Variants in SLCO4C1 observed in about 807,000 individuals in gnomAD.
SLCO4C1 encodes the protein solute carrier organic anion transporter family member 4C1, also known as organic anion transporter M1.
SLCO4C1 carries 58 observed loss-of-function variants against 72.1 expected under a neutral mutation model. That is an observed-to-expected ratio of 0.80 (90% CI 0.65 to 1.00). The LOEUF (loss-of-function observed/expected upper bound fraction) is 1.00, where lower values mean the gene tolerates loss of function less well. SLCO4C1 is among the 50% of genes least tolerant of loss of function. The probability of loss-of-function intolerance (pLI) is 0.00; values close to 1 mark genes in which losing one functional copy is unlikely to be tolerated. For missense variants in SLCO4C1, 898 were observed against 857.9 expected (o/e 1.05, Z -0.58); for synonymous variants, 297 against 312.5 (o/e 0.95, Z 0.52).
At chr5:102,264,728 TC>T (rs1487847648) in intron 3 of SLCO4C1, among the ~76,000 whole-genome samples, 1 of 152,036 alleles carries the variant, frequency 6.6e-6, no homozygotes, top group African/African-American at 2.4e-5. Context: ...AATTTATTTC[TC>T]CTAACTGTAG....
intron 5 of SLCO4C1, among the ~76,000 whole-genome samples, chr5:102,261,674 T>C (rs1159243131): frequency 6.6e-6 from 1 of 152,008 alleles, no homozygotes; most frequent in Non-Finnish European, 1.5e-5. Context: ...ATTTATTAAG[T>C]ACTAAAGAGG....
At chr5:102,238,954 A>G (rs931027707) in intron 12 of SLCO4C1, among the ~76,000 whole-genome samples, 1 of 152,176 alleles carries the variant, frequency 6.6e-6, no homozygotes, top group Non-Finnish European at 1.5e-5. Context: ...GCTTTCGAGT[A>G]TACTTTCCAA....
At position 102,257,308 on chromosome 5, in the gene SLCO4C1, CCCCT is replaced by C; in HGVS notation, c.1274-2_1275del. The C allele has an allele frequency of 6.3e-7, 1 of 1,580,664 alleles. No homozygotes were observed. The highest frequency in any genetic ancestry group is 1.9e-5 in the Admixed American group (1 of 51,896). On this transcript the variant is annotated splice_acceptor_variant and coding_sequence_variant, in exon 8 of 13. Coordinates refer to ENST00000310954, the MANE Select transcript of SLCO4C1 (RefSeq NM_180991.5). LOFTEE classifies it high-confidence loss of function. ...AGAGCAGCTCCAGGAATTAAAACAGCCCCTAATAAGAAAAAAGAATGTAGATTGT... is the reference window on the plus strand; with the variant it reads ...AGAGCAGCTCCAGGAATTAAAACAGCAATAAGAAAAAAGAATGTAGATTGT...
At chr5:102,295,753 T>G (rs528771085) in intron 1 of SLCO4C1, among the ~76,000 whole-genome samples, 155 bp downstream of exon 1, 58 of 152,302 alleles carry the variant, frequency 3.8e-4, no homozygotes, top group Non-Finnish European at 6.9e-4. Flanking sequence ...AGGTTGACCT[T>G]GGTGAGAGCG....
chr5:102,241,338 G>T lies in SLCO4C1; in HGVS notation c.1812-556C>A, dbSNP rs530265595. Among the ~76,000 whole-genome samples, 3 of 152,150 alleles carry T rather than the reference G, an allele frequency of 2.0e-5. No individual in the cohort carries two copies. The South Asian group carries it at 6.2e-4, about 32-fold the overall frequency. Reference sequence around the variant, plus strand: ...AGATTATCTCTGTGAAGATGACATGGTCATATATGTAGAAAACACTAAAGA... The same window carrying T: ...AGATTATCTCTGTGAAGATGACATGTTCATATATGTAGAAAACACTAAAGA... On this transcript the variant is annotated intron_variant, in intron 10 of 12. Coordinates refer to ENST00000310954, the MANE Select transcript of SLCO4C1 (RefSeq NM_180991.5).
chr5:102,247,113 G>C, intron 10 of SLCO4C1, 139 bp downstream of exon 10: 1 of 510,894 alleles, frequency 2.0e-6, no homozygotes, highest in Non-Finnish European at 3.2e-6. Context: ...CTTGTCCAAT[G>C]CCACAGAACT....
At chr5:102,292,016 G>T (rs1350721379) in intron 1 of SLCO4C1, among the ~76,000 whole-genome samples, 1 of 151,880 alleles carries the variant, frequency 6.6e-6, no homozygotes, top group Non-Finnish European at 1.5e-5. Flanking sequence ...GTAGAGATGG[G>T]GTTTCACCAT....
chr5:102,235,609 G>T lies in SLCO4C1; in HGVS notation c.*1249C>A, dbSNP rs1397692839. On this transcript the variant is annotated 3_prime_UTR_variant, in exon 13 of 13. Transcript: ENST00000310954. ...GGCCTGTTAGGAATCGGGCCACACA[G>T]TTGGTGAGCTGAGAGGCAGGTGAGT... The T allele has an allele frequency of 2.0e-5, 3 of 152,332 alleles. No homozygotes were observed. The highest frequency in any genetic ancestry group is 7.2e-5 in the African/African-American group (3 of 41,478). The allele number at this position is 152,332 out of a possible 1,614,324, so 9.4% of individuals were successfully genotyped here.
chr5:102,270,194 G>T (rs1287636934), intron 3 of SLCO4C1, among the ~76,000 whole-genome samples: 1 of 152,068 alleles, frequency 6.6e-6, no homozygotes, highest in Non-Finnish European at 1.5e-5. Flanking sequence ...ATGCTACCAG[G>T]AATTAGATCA....
chr5:102,295,623 T>C (rs763462999), intron 1 of SLCO4C1, among the ~76,000 whole-genome samples: 7 of 152,256 alleles, frequency 4.6e-5, no homozygotes, highest in Non-Finnish European at 8.8e-5. Flanking sequence ...TAATCTTCCC[T>C]GTAAGTCTTG....
At chr5:102,240,027 G>A (rs1748510038) in intron 11 of SLCO4C1, among the ~76,000 whole-genome samples, 1 of 152,016 alleles carries the variant, frequency 6.6e-6, no homozygotes, top group East Asian at 1.9e-4. Context: ...TTCATGACCT[G>A]TAGCATGATA....
chr5:102,261,995 G>C lies in SLCO4C1; in HGVS notation c.938C>G (p.Ala313Gly). Residue 313 changes from alanine (A) to glycine (G), a missense_variant, in exon 5 of 13, where the codon GCT becomes GGT. Coordinates refer to ENST00000310954, the MANE Select transcript of SLCO4C1 (RefSeq NM_180991.5). The stretch of plus-strand genomic sequence containing the variant: ...TGATAGAAGAAACCCAATCCACCAA[G>C]CTCCCAACCATCGCGGATCATCCTC... Reference protein sequence around the residue: ...VTEDDPRWLGAWWIGFLLSWI... With the variant: ...VTEDDPRWLGGWWIGFLLSWI... The C allele has an allele frequency of 6.2e-7, 1 of 1,612,948 alleles. No homozygotes were observed. The highest frequency in any genetic ancestry group is 1.3e-5 in the African/African-American group (1 of 74,970).
intron 2 of SLCO4C1, among the ~76,000 whole-genome samples, chr5:102,278,465 T>C (rs1749289855): frequency 6.6e-6 from 1 of 152,180 alleles, no homozygotes; most frequent in Non-Finnish European, 1.5e-5. Flanking sequence ...AACTAACTTA[T>C]CAACCACATC....
At chr5:102,265,962 A>ATT (rs201437269) in intron 3 of SLCO4C1, among the ~76,000 whole-genome samples, 2 of 151,434 alleles carry the variant, frequency 1.3e-5, no homozygotes, top group Non-Finnish European at 2.9e-5. Flanking sequence ...ATGCCTTTCC[A>ATT]TTTTTTTTCT....
At chr5:102,264,225 T>A (rs190376094) in intron 3 of SLCO4C1, among the ~76,000 whole-genome samples, 5 of 152,248 alleles carry the variant, frequency 3.3e-5, no homozygotes, top group Admixed American at 3.3e-4. Context: ...GATGTGCTGA[T>A]CAGTCTATTT....
intron 8 of SLCO4C1, among the ~76,000 whole-genome samples, chr5:102,255,367 C>G (rs1413328837): frequency 6.6e-6 from 1 of 152,018 alleles, no homozygotes; most frequent in Non-Finnish European, 1.5e-5. Flanking sequence ...CTTTGTTACT[C>G]AAGGTGATAA....
intron 6 of SLCO4C1, 89 bp downstream of exon 6, chr5:102,260,124 C>A (rs1748907552): frequency 6.7e-6 from 2 of 297,510 alleles, no homozygotes; most frequent in Non-Finnish European, 1.2e-5. Context: ...TATATAAACA[C>A]ATCTACACAT....
intron 2 of SLCO4C1, among the ~76,000 whole-genome samples, chr5:102,273,903 T>A (rs1490651982): frequency 6.6e-6 from 1 of 152,156 alleles, no homozygotes; most frequent in East Asian, 1.9e-4. Flanking sequence ...AAACAATTTC[T>A]GACCAAATAC....
chr5:102,257,402 A>G (rs1748857105), intron 7 of SLCO4C1, 92 bp from the exon 8 acceptor site: 2 of 1,023,762 alleles, frequency 2.0e-6, no homozygotes, highest in Non-Finnish European at 2.7e-6. Context: ...AAGTGTCAAT[A>G]TGGTTTTAAC....
Sources: allele counts gnomAD v4.1 joint callset (sites outside exome capture counted in the v4.1 genomes callset), GRCh38; gene constraint gnomAD v4.1.1; transcripts MANE v1.5; gene names NCBI Gene and HGNC (gene_info 2026-07-23, HGNC 2026-07-21).